NARS2: variants seen among roughly 807,000 people sequenced by gnomAD.
NARS2 encodes the protein asparaginyl-tRNA synthetase.
NARS2 carries 60 observed loss-of-function variants against 62.9 expected under a neutral mutation model. That is an observed-to-expected ratio of 0.95 (90% CI 0.77 to 1.18). NARS2 has a LOEUF of 1.18. NARS2 is among the 50% of genes most tolerant of loss of function. NARS2 has a pLI of 0.00. For missense variants in NARS2, 619 were observed against 576.4 expected, an observed-to-expected ratio of 1.07 and a Z score of -0.76; for synonymous variants, 196 against 200.0, an observed-to-expected ratio of 0.98 and a Z score of 0.17.
At chr11:78,473,329 T>C (rs1858953096) in intron 9 of NARS2, among the ~76,000 whole-genome samples, 1 of 152,246 alleles carries the variant, frequency 6.6e-6, no homozygotes, top group Non-Finnish European at 1.5e-5. Flanking sequence ...TATGTGAAGA[T>C]ACTATTTTAT....
intron 4 of NARS2, among the ~76,000 whole-genome samples, chr11:78,565,083 G>GT (rs1856700240): frequency 6.6e-6 from 1 of 152,196 alleles, no homozygotes; most frequent in African/African-American, 2.4e-5. Flanking sequence ...ATCACTCCTT[G>GT]TCTTTGGGGC....
chr11:78,494,840 C>T (rs1393092647), intron 6 of NARS2, among the ~76,000 whole-genome samples: 1 of 152,262 alleles, frequency 6.6e-6, no homozygotes, highest in South Asian at 2.1e-4. Context: ...AACAATCCTG[C>T]CTTTCTTTTT....
At chr11:78,528,528 C>CGG (rs778817814) in intron 6 of NARS2, among the ~76,000 whole-genome samples, 11 of 152,046 alleles carry the variant, frequency 7.2e-5, no homozygotes, top group Non-Finnish European at 1.5e-4. Flanking sequence ...GACTAATACC[C>CGG]GGTTCAGGTA....
At chr11:78,479,459 T>C (rs1859253640) in intron 7 of NARS2, among the ~76,000 whole-genome samples, 1 of 152,040 alleles carries the variant, frequency 6.6e-6, no homozygotes, top group South Asian at 2.1e-4. Flanking sequence ...CAGTGAGCCA[T>C]GATCACGCCA....
At chr11:78,540,119 T>C (rs1269137610) in intron 5 of NARS2, among the ~76,000 whole-genome samples, 1 of 152,112 alleles carries the variant, frequency 6.6e-6, no homozygotes, top group African/African-American at 2.4e-5. Context: ...AAAACAAAAA[T>C]TTTTGCTAGG....
chr11:78,523,932 C>T lies in NARS2; in HGVS notation c.689+4910G>A, dbSNP rs189390120. Among the ~76,000 whole-genome samples, 15 of 152,154 alleles carry T rather than the reference C, an allele frequency of 9.9e-5. No homozygotes were observed. In the East Asian group the frequency reaches 2.7e-3, roughly 27 times the overall value. On this transcript the variant is annotated intron_variant, in intron 6 of 13. Transcript: ENST00000281038. ...AATTATGTCAGTGATACTTGAATAT[C>T]TTCAAAATATGCTAAAACCCACTGA...
intron 10 of NARS2, among the ~76,000 whole-genome samples, chr11:78,468,411 CTTT>C (rs112260820): frequency 1.5e-5 from 2 of 132,488 alleles, no homozygotes; most frequent in Non-Finnish European, 1.6e-5. Flanking sequence ...TGTTGGTCAT[CTTT>C]TTTTTTTTTT....
chr11:78,540,802 T>A (rs1855583618), intron 5 of NARS2, among the ~76,000 whole-genome samples: 1 of 152,192 alleles, frequency 6.6e-6, no homozygotes, highest in African/African-American at 2.4e-5. Flanking sequence ...TCTTTCTTGA[T>A]CCCAATTAAG....
rs935478624 is a variant in NARS2, at chr11:78,465,744, G to C, written c.1164+132C>G. On this transcript the variant is annotated intron_variant, in intron 11 of 13. Coordinates refer to ENST00000281038, the MANE Select transcript of NARS2 (RefSeq NM_024678.6). ...GATCTTCTTTGGGAAAAATTTTTAA[G>C]AGATGTCTTTGAAAAACATTATCAT... 6 of 1,027,064 alleles carry C rather than the reference G, an allele frequency of 5.8e-6. No individual in the cohort carries two copies. The Admixed American group carries it at 8.3e-5, about 14-fold the overall frequency. The allele number at this position is 1,027,064 out of a possible 1,614,324, so 63.6% of individuals were successfully genotyped here. A position where few individuals can be genotyped will look rare whatever the true frequency, so the allele number is the denominator to read the frequency against.
chr11:78,513,419 G>A (rs1860790222), intron 6 of NARS2, among the ~76,000 whole-genome samples: 1 of 150,634 alleles, frequency 6.6e-6, no homozygotes, highest in African/African-American at 2.5e-5. Flanking sequence ...GCCAGCCTCT[G>A]GTAACCATCT....
rs187092161 is a variant in NARS2, at chr11:78,500,672, C to T, written c.690-7477G>A. 1.8e-3 allele frequency among the ~76,000 whole-genome samples: 275 copies of T among 152,220 alleles called. 1 individual carries two copies. The highest frequency in any genetic ancestry group is 6.2e-3 in the African/African-American group (259 of 41,528). ...ATTTTTTTATAGATGGGGGTTTCAC[C>T]ATGTTGTAAAGATCCCTTTACACTT... On this transcript the variant is annotated intron_variant, in intron 6 of 13. Transcript: ENST00000281038.
intron 5 of NARS2, among the ~76,000 whole-genome samples, chr11:78,547,323 T>A (rs1212178936): frequency 6.6e-6 from 1 of 152,190 alleles, no homozygotes; most frequent in East Asian, 1.9e-4. Context: ...TCATTTTAAT[T>A]TAAAGAACAA....
chr11:78,452,386 C>T (rs1184519458), intron 11 of NARS2, among the ~76,000 whole-genome samples: 2 of 151,478 alleles, frequency 1.3e-5, no homozygotes, highest in Non-Finnish European at 2.9e-5. Context: ...GGATTACAGG[C>T]GTCAGCCACC....
chr11:78,525,697 G>A (rs890431733), intron 6 of NARS2, among the ~76,000 whole-genome samples: 2 of 152,204 alleles, frequency 1.3e-5, no homozygotes, highest in East Asian at 3.9e-4. Flanking sequence ...TCCCCAGTGA[G>A]GGGAGACTAG....
At chr11:78,542,299 G>A (rs1056660565) in intron 5 of NARS2, among the ~76,000 whole-genome samples, 2 of 152,200 alleles carry the variant, frequency 1.3e-5, no homozygotes, top group African/African-American at 4.8e-5. Context: ...TAGAGGGTAA[G>A]GTTGAGGCAA....
At chr11:78,445,965 AAT>A (rs1555009028) in intron 11 of NARS2, among the ~76,000 whole-genome samples, 1 of 151,930 alleles carries the variant, frequency 6.6e-6, no homozygotes, top group African/African-American at 2.4e-5. Flanking sequence ...GTCTCAAAAA[AAT>A]ATATATATAT....
intron 11 of NARS2, among the ~76,000 whole-genome samples, chr11:78,455,506 CA>C (rs1858127422): frequency 6.6e-6 from 1 of 152,030 alleles, no homozygotes; most frequent in Admixed American, 6.6e-5. Context: ...AGCAGTACCC[CA>C]AAAAAGTCCT....
chr11:78,461,603 A>G (rs1015489909), intron 11 of NARS2, among the ~76,000 whole-genome samples: 3 of 82,380 alleles, frequency 3.6e-5, no homozygotes, highest in Non-Finnish European at 6.4e-5. Context: ...CTGTGCTGGT[A>G]AAAAAAAAAA....
intron 9 of NARS2, among the ~76,000 whole-genome samples, chr11:78,475,727 G>C (rs1279517007): frequency 2.0e-5 from 3 of 151,312 alleles, no homozygotes; most frequent in African/African-American, 7.3e-5. Context: ...CTCCTGAGTA[G>C]CTGGCACTAC....
Sources: allele counts gnomAD v4.1 joint callset (sites outside exome capture counted in the v4.1 genomes callset), GRCh38; gene constraint gnomAD v4.1.1; transcripts MANE v1.5; gene names NCBI Gene and HGNC (gene_info 2026-07-23, HGNC 2026-07-21).